Variants in RAB10 observed in about 807,000 individuals in gnomAD.
The protein encoded by RAB10 is ras-related protein Rab-10.
RAB10 carries 5 observed loss-of-function variants against 25.7 expected under a neutral mutation model. That is an observed-to-expected ratio of 0.19 (90% confidence interval 0.10 to 0.41). The LOEUF is 0.41. Ranked by LOEUF, RAB10 falls within the 10% of genes least tolerant of loss-of-function variation. The pLI, the probability that RAB10 is intolerant of heterozygous loss-of-function variation, is 1.00. For missense variants in RAB10, 103 were observed against 245.8 expected, an observed-to-expected ratio of 0.42 and a Z score of 3.89; for synonymous variants, 89 against 86.4, an observed-to-expected ratio of 1.03 and a Z score of -0.16.
chr2:26,040,867 A>T (rs373028805), intron 1 of RAB10, among the ~76,000 whole-genome samples: 2 of 152,270 alleles, frequency 1.3e-5, no homozygotes, highest in East Asian at 3.9e-4. Flanking sequence ...GAATTTTTCT[A>T]TATATTTTCA....
chr2:26,051,160 C>T (rs897907474), intron 1 of RAB10, among the ~76,000 whole-genome samples: 2 of 152,108 alleles, frequency 1.3e-5, no homozygotes, highest in African/African-American at 4.8e-5. Context: ...CTGATCTTAA[C>T]TCCTGGGCTC....
chr2:26,055,767 C>T (rs1340186635), intron 1 of RAB10, among the ~76,000 whole-genome samples: 8 of 152,070 alleles, frequency 5.3e-5, no homozygotes, highest in Admixed American at 1.3e-4. Flanking sequence ...TCAAGTGATC[C>T]ACCTGCCTTG....
chr2:26,057,192 G>A (rs572976776), intron 1 of RAB10, among the ~76,000 whole-genome samples: 1 of 152,288 alleles, frequency 6.6e-6, no homozygotes, highest in African/African-American at 2.4e-5. Flanking sequence ...TGGGAGGTAA[G>A]GAGTAGAATC....
At chr2:26,064,372 C>T (rs757517921) in intron 1 of RAB10, among the ~76,000 whole-genome samples, 2 of 152,134 alleles carry the variant, frequency 1.3e-5, no homozygotes, top group Admixed American at 6.5e-5. Flanking sequence ...CATTCTGCCA[C>T]CCAGGCTGGG....
chr2:26,083,125 G>A (rs890541378), intron 1 of RAB10, among the ~76,000 whole-genome samples: 8 of 152,154 alleles, frequency 5.3e-5, no homozygotes, highest in Non-Finnish European at 1.0e-4. Context: ...AGAGCATTTA[G>A]TCTAGAGCTT....
At chr2:26,123,288 C>T (rs1001183292) in intron 3 of RAB10, among the ~76,000 whole-genome samples, 3 of 152,176 alleles carry the variant, frequency 2.0e-5, no homozygotes, top group Admixed American at 1.3e-4. Context: ...AAGTGGTCTA[C>T]TTGCCCCCGA....
At chr2:26,134,722 A>C (rs1468888605) in intron 5 of RAB10, among the ~76,000 whole-genome samples, 1 of 152,244 alleles carries the variant, frequency 6.6e-6, no homozygotes, top group Non-Finnish European at 1.5e-5. Flanking sequence ...GCATGCCAGG[A>C]AATGTCTACA....
chr2:26,038,445 C>T (rs1244878800), intron 1 of RAB10, among the ~76,000 whole-genome samples: 2 of 151,978 alleles, frequency 1.3e-5, no homozygotes, highest in Non-Finnish European at 2.9e-5. Context: ...ATCCACCTGC[C>T]TCAGCCTCCC....
At chr2:26,133,104 G>T (rs887074278) in intron 5 of RAB10, among the ~76,000 whole-genome samples, 8 of 152,122 alleles carry the variant, frequency 5.3e-5, no homozygotes, top group South Asian at 2.1e-4. Flanking sequence ...AGCTCTAAGG[G>T]CAAGTAGCAG....
chr2:26,097,094 G>C (rs942856421), intron 1 of RAB10, among the ~76,000 whole-genome samples: 2 of 152,128 alleles, frequency 1.3e-5, no homozygotes, highest in Admixed American at 1.3e-4. Context: ...GCTCGTGCCT[G>C]TGGTCTTAGT....
intron 3 of RAB10, among the ~76,000 whole-genome samples, chr2:26,122,857 C>A (rs1291992480): frequency 6.6e-6 from 1 of 151,854 alleles, no homozygotes; most frequent in Non-Finnish European, 1.5e-5. Context: ...CACCGCTGAA[C>A]AAGTCTTTAA....
At chr2:26,117,466 T>A (rs2149286463) in intron 3 of RAB10, among the ~76,000 whole-genome samples, 1 of 151,758 alleles carries the variant, frequency 6.6e-6, no homozygotes, top group South Asian at 2.1e-4. Context: ...AGAAAAAAAA[T>A]TAGCCGGGCA....
At chr2:26,127,281 A>G (rs929463667) in intron 4 of RAB10, 48 bp downstream of exon 4, 2 of 1,336,750 alleles carry the variant, frequency 1.5e-6, no homozygotes, top group African/African-American at 3.0e-5. Context: ...TTGTAAAGGT[A>G]ATGCTACTTT....
rs758990324 is a variant in RAB10 at position 26,127,198 on chromosome 2, G to A, written c.382G>A (p.Asp128Asn). Residue 128 changes from aspartate to asparagine, a missense_variant, in exon 4 of 6, where the codon GAC (aspartate) becomes AAC (asparagine). Transcript: ENST00000264710. ...ACTAGGAAACAAGTGTGATATGGAC[G>A]ACAAAAGAGTTGTACCTAAAGGAAA... is the stretch of plus-strand genomic sequence containing the variant. ...MLLGNKCDMDDKRVVPKGKGE... is the reference protein window; with the variant it reads ...MLLGNKCDMDNKRVVPKGKGE... 7 of 1,603,358 alleles carry A rather than the reference G, an allele frequency of 4.4e-6. No individual in the cohort carries two copies. Among genetic ancestry groups the A allele is most frequent in the East Asian group, 2.3e-5 (1 of 44,434 alleles).
intron 1 of RAB10, among the ~76,000 whole-genome samples, chr2:26,092,632 G>C (rs545120264): frequency 1.3e-5 from 2 of 152,220 alleles, no homozygotes; most frequent in East Asian, 3.9e-4. Context: ...CAAATTCTTA[G>C]ACATTTTCCA....
intron 1 of RAB10, among the ~76,000 whole-genome samples, chr2:26,086,462 A>G (rs1173196753): frequency 1.3e-5 from 2 of 152,248 alleles, no homozygotes; most frequent in Non-Finnish European, 2.9e-5. Context: ...AGTAACAAGT[A>G]TGATTGAGGA....
chr2:26,118,773 C>T (rs1419027846), intron 3 of RAB10, among the ~76,000 whole-genome samples: 2 of 152,096 alleles, frequency 1.3e-5, no homozygotes, highest in African/African-American at 4.8e-5. Context: ...CTAAATGCAC[C>T]TCTCTGTATT....
chr2:26,061,619 A>G (rs1401971568), intron 1 of RAB10, among the ~76,000 whole-genome samples: 3 of 151,906 alleles, frequency 2.0e-5, no homozygotes, highest in Non-Finnish European at 4.4e-5. Context: ...TCGAACTCCT[A>G]CCTTCCATTA....
intron 2 of RAB10, chr2:26,101,955 C>G (rs750913193): frequency 6.6e-6 from 1 of 152,234 alleles, no homozygotes; most frequent in Non-Finnish European, 1.5e-5. Context: ...TCCAGGAACT[C>G]GTCATGTCTT....
Sources: allele counts gnomAD v4.1 joint callset (sites outside exome capture counted in the v4.1 genomes callset), GRCh38; gene constraint gnomAD v4.1.1; transcripts MANE v1.5; gene names NCBI Gene and HGNC (gene_info 2026-07-23, HGNC 2026-07-21).